Variants in HSF2BP observed in about 807,000 individuals in gnomAD.
HSF2BP encodes heat shock factor 2-binding protein.
A neutral mutation model predicts 35.0 loss-of-function variants in HSF2BP; 35 were observed. That is an observed-to-expected ratio of 1.00 (90% CI 0.76 to 1.32). HSF2BP has a LOEUF of 1.32. HSF2BP is among the 40% of genes most tolerant of loss of function. The pLI, the probability that HSF2BP is intolerant of heterozygous loss-of-function variation, is 0.00. For synonymous variants in HSF2BP, 114 were observed against 117.4 expected (o/e 0.97, Z 0.18); for missense variants, 326 against 321.7 (o/e 1.01, Z -0.10).
chr21:43,641,276 G>A (rs2082633190), intron 4 of HSF2BP, among the ~76,000 whole-genome samples: 1 of 152,058 alleles, frequency 6.6e-6, no homozygotes, highest in Non-Finnish European at 1.5e-5. Context: ...TGGGATTACA[G>A]GCGTGAGCCA....
chr21:43,631,865 A>G (rs933702445), intron 5 of HSF2BP, among the ~76,000 whole-genome samples: 3 of 151,956 alleles, frequency 2.0e-5, no homozygotes, highest in African/African-American at 4.8e-5. Context: ...GCATGCATAC[A>G]TGTGCGTGTG....
At chr21:43,590,269 A>C (rs2081909683) in intron 8 of HSF2BP, among the ~76,000 whole-genome samples, 1 of 152,270 alleles carries the variant, frequency 6.6e-6, no homozygotes, top group African/African-American at 2.4e-5. Context: ...GATACTCAAC[A>C]TCATTAGTCA....
chr21:43,656,467 C>G, intron 3 of HSF2BP, 120 bp downstream of exon 3: 1 of 964,614 alleles, frequency 1.0e-6, no homozygotes, highest in South Asian at 1.7e-5. Context: ...CAGACTCTCC[C>G]AAATATCATC....
At chr21:43,621,788 T>G (rs1221854782) in intron 6 of HSF2BP, among the ~76,000 whole-genome samples, 1 of 151,852 alleles carries the variant, frequency 6.6e-6, no homozygotes, top group Non-Finnish European at 1.5e-5. Context: ...AGAAAAAAAT[T>G]GAGGGTATAA....
At chr21:43,468,200 C>CACACACACCACACCACGCACCACCCCATG in the HSF2BP span, among the ~76,000 whole-genome samples, 1 of 502 alleles carries the variant, frequency 2.0e-3, no homozygotes, top group Non-Finnish European at 5.7e-3. Flanking sequence ...CACTACATAC[C>CACACACACCACACCACGCACCACCCCATG]TCATACACAC....
intron 5 of HSF2BP, 36 bp downstream of exon 5, chr21:43,633,236 T>C (rs1324013364): frequency 6.3e-7 from 1 of 1,590,496 alleles, no homozygotes; most frequent in East Asian, 2.2e-5. Flanking sequence ...CAAGCAGTAA[T>C]CAACAATATC....
At chr21:43,638,148 AAGTC>A (rs2082589492) in intron 4 of HSF2BP, among the ~76,000 whole-genome samples, 1 of 152,158 alleles carries the variant, frequency 6.6e-6, no homozygotes, top group Non-Finnish European at 1.5e-5. Flanking sequence ...GAACTCCTAG[AAGTC>A]AAAAAGAGTT....
intron 8 of HSF2BP, among the ~76,000 whole-genome samples, chr21:43,573,228 TG>T (rs920375029): frequency 1.2e-4 from 18 of 152,236 alleles, no homozygotes; most frequent in Non-Finnish European, 2.9e-5. Flanking sequence ...TTTCTAATGC[TG>T]CTGCCCAGTG....
At chr21:43,642,795 C>CTTTTTTTTTTTTTTTTTTTTTTTTTT in intron 4 of HSF2BP, among the ~76,000 whole-genome samples, 1 of 92,128 alleles carries the variant, frequency 1.1e-5, no homozygotes, top group Non-Finnish European at 2.1e-5. Flanking sequence ...GGCTTCTTTT[C>CTTTTTTTTTTTTTTTTTTTTTTTTTT]TTTTTTTTTT....
intron 6 of HSF2BP, among the ~76,000 whole-genome samples, chr21:43,621,862 A>T (rs2082335141): frequency 2.0e-5 from 3 of 152,280 alleles, no homozygotes; most frequent in Non-Finnish European, 4.4e-5. Flanking sequence ...ACTGGTACAC[A>T]GACAACCCCA....
intron 8 of HSF2BP, among the ~76,000 whole-genome samples, chr21:43,576,828 C>G (rs2081650024): frequency 6.6e-6 from 1 of 152,134 alleles, no homozygotes; most frequent in Non-Finnish European, 1.5e-5. Context: ...ATCCTCAATT[C>G]CCAATTTCAC....
chr21:43,643,295 G>A (rs1247143747), intron 4 of HSF2BP, among the ~76,000 whole-genome samples: 2 of 151,980 alleles, frequency 1.3e-5, no homozygotes, highest in African/African-American at 4.8e-5. Flanking sequence ...TCATCGCTAT[G>A]GTTTGTCCCC....
chr21:43,621,119 C>T (rs543012437), intron 6 of HSF2BP, among the ~76,000 whole-genome samples: 2 of 152,196 alleles, frequency 1.3e-5, no homozygotes, highest in Non-Finnish European at 2.9e-5. Flanking sequence ...AAGGTATATA[C>T]TAATCAAACT....
At chr21:43,595,754 T>TTTTTTTTTTTTG in intron 7 of HSF2BP, among the ~76,000 whole-genome samples, 1 of 127,150 alleles carries the variant, frequency 7.9e-6, no homozygotes, top group East Asian at 2.2e-4. Context: ...TTTTTTTTTT[T>TTTTTTTTTTTTG]TTTTTGTGAA....
intron 6 of HSF2BP, among the ~76,000 whole-genome samples, chr21:43,621,449 C>T (rs1340623588): frequency 3.3e-5 from 5 of 151,944 alleles, no homozygotes; most frequent in Admixed American, 6.6e-5. Flanking sequence ...ATCACTTGAA[C>T]CTGGGAGTGG....
intron 4 of HSF2BP, among the ~76,000 whole-genome samples, chr21:43,636,985 A>C (rs953087862): frequency 1.3e-5 from 2 of 152,094 alleles, no homozygotes; most frequent in Non-Finnish European, 2.9e-5. Context: ...GGCATTATTC[A>C]TAACAGTCAA....
At chr21:43,598,925 G>A (rs1044371187) in intron 7 of HSF2BP, among the ~76,000 whole-genome samples, 4 of 152,164 alleles carry the variant, frequency 2.6e-5, no homozygotes, top group African/African-American at 7.2e-5. Context: ...CAGCAGAACT[G>A]AGTCACCGCA....
chr21:43,632,272 C>A (rs1369817245), intron 5 of HSF2BP, among the ~76,000 whole-genome samples: 5 of 79,304 alleles, frequency 6.3e-5, no homozygotes, highest in Admixed American at 2.5e-4. Context: ...CACACACGCT[C>A]CCCCCACACA....
intron 8 of HSF2BP, among the ~76,000 whole-genome samples, chr21:43,587,580 G>A (rs960392797): frequency 6.7e-6 from 1 of 150,196 alleles, no homozygotes; most frequent in African/African-American, 2.5e-5. Flanking sequence ...CAGGAGAATC[G>A]CTTGAAGCCG....
Sources: allele counts gnomAD v4.1 joint callset (sites outside exome capture counted in the v4.1 genomes callset), GRCh38; gene constraint gnomAD v4.1.1; transcripts MANE v1.5; gene names NCBI Gene and HGNC (gene_info 2026-07-23, HGNC 2026-07-21).